The following NTM variants were observed in gnomAD, a reference collection of about 807,000 sequenced individuals.
NTM encodes IgLON family member 2.
Under a neutral mutation model 42.1 loss-of-function variants are expected in NTM, and 13 were observed. The ratio of observed to expected loss-of-function variants is 0.31; its 90% CI spans 0.20 to 0.49. The LOEUF (loss-of-function observed/expected upper bound fraction) is 0.49. Among genes scored for constraint, NTM ranks in the 20% least tolerant of loss-of-function variants. NTM has a pLI of 0.99. For missense variants in NTM, 373 were observed against 452.8 expected, an observed-to-expected ratio of 0.82 and a Z score of 1.60; for synonymous variants, 187 against 179.2, an observed-to-expected ratio of 1.04 and a Z score of -0.35.
intron 1 of NTM, among the ~76,000 whole-genome samples, chr11:131,888,880 G>A (rs2050804763): frequency 6.6e-6 from 1 of 151,894 alleles, no homozygotes; most frequent in South Asian, 2.1e-4. Flanking sequence ...CGGCATCGGC[G>A]ACATAGAATC....
intron 1 of NTM, among the ~76,000 whole-genome samples, chr11:131,464,454 A>T (rs953307017): frequency 4.6e-5 from 7 of 152,022 alleles, no homozygotes; most frequent in African/African-American, 1.7e-4. Context: ...TGGTACATTC[A>T]CAGGTTATAA....
chr11:131,573,067 T>A (rs540558159), intron 1 of NTM, among the ~76,000 whole-genome samples: 5 of 152,236 alleles, frequency 3.3e-5, no homozygotes, highest in African/African-American at 1.2e-4. Flanking sequence ...CACTCCCTCC[T>A]CTTGACAAGG....
intron 1 of NTM, among the ~76,000 whole-genome samples, chr11:131,786,336 C>T (rs2089209162): frequency 6.6e-6 from 1 of 152,172 alleles, no homozygotes. Flanking sequence ...CTAAAAACGT[C>T]ACCTGTGCAT....
Position 132,297,581 on chromosome 11 carries a change from A to G in NTM, c.527-10108A>G, listed in dbSNP as rs1474888529. 2.0e-5 allele frequency among the ~76,000 whole-genome samples: 3 copies of G among 152,254 alleles called. No individual in the cohort carries two copies. The East Asian group carries it at 5.8e-4, about 29-fold the overall frequency. On this transcript the variant is annotated intron_variant, in intron 4 of 8. Transcript: ENST00000683400. ...CCCCAGATCGATATATCTATTCTTCAAAAGGATTATTTATAAGTTATTTCA... is the reference window on the plus strand; with the variant it reads ...CCCCAGATCGATATATCTATTCTTCGAAAGGATTATTTATAAGTTATTTCA...
At chr11:131,416,583 A>G (rs1418866964) in intron 1 of NTM, among the ~76,000 whole-genome samples, 3 of 152,220 alleles carry the variant, frequency 2.0e-5, no homozygotes. Flanking sequence ...GCATGTGTAT[A>G]AGACACAGTT....
intron 3 of NTM, among the ~76,000 whole-genome samples, chr11:132,203,076 G>A (rs1028356051): frequency 6.6e-6 from 1 of 152,162 alleles, no homozygotes; most frequent in Non-Finnish European, 1.5e-5. Flanking sequence ...GAAAATGATG[G>A]CAGCAAGCGC....
At chr11:132,274,262 G>C (rs2093623210) in intron 4 of NTM, among the ~76,000 whole-genome samples, 1 of 151,590 alleles carries the variant, frequency 6.6e-6, no homozygotes, top group African/African-American at 2.4e-5. Flanking sequence ...TTTAGGCTTA[G>C]TTTATGCCTT....
At chr11:131,371,107 A>C in intron 1 of NTM, 1 of 985,370 alleles carries the variant, frequency 1.0e-6, no homozygotes, top group Non-Finnish European at 1.2e-6. Context: ...TATGTGCATA[A>C]GTAAAATGTG....
chr11:132,143,981 G>GGAGCATACTCTT (rs71067361), intron 2 of NTM, among the ~76,000 whole-genome samples: 57,146 of 151,878 alleles, frequency 0.38, 11,271 homozygotes, highest in Non-Finnish European at 0.44. Flanking sequence ...AGAAAGGCTT[G>GGAGCATACTCTT]GATCAGTTCA....
At chr11:131,454,663 G>A (rs1950736488) in intron 1 of NTM, among the ~76,000 whole-genome samples, 1 of 152,142 alleles carries the variant, frequency 6.6e-6, no homozygotes, top group Non-Finnish European at 1.5e-5. Context: ...ATTTAAGGAA[G>A]TTGTCTTCAC....
intron 1 of NTM, among the ~76,000 whole-genome samples, chr11:131,873,827 G>T (rs2048155896): frequency 7.1e-6 from 1 of 141,322 alleles, no homozygotes; most frequent in African/African-American, 2.6e-5. Flanking sequence ...CCCCCAACAG[G>T]CCCCAGTGTG....
chr11:131,799,278 A>G (rs1313527511), intron 1 of NTM, among the ~76,000 whole-genome samples: 1 of 152,134 alleles, frequency 6.6e-6, no homozygotes, highest in Non-Finnish European at 1.5e-5. Context: ...TCGCATACTA[A>G]TGCACAGAGT....
chr11:131,793,127 C>T (rs2091158448), intron 1 of NTM, among the ~76,000 whole-genome samples: 2 of 152,194 alleles, frequency 1.3e-5, no homozygotes, highest in South Asian at 4.1e-4. Flanking sequence ...AAAAATAAAA[C>T]TGCAACACAC....
chr11:131,423,428 G>T lies in NTM; in HGVS notation c.82+52540G>T, dbSNP rs570840972. On this transcript the variant is annotated intron_variant, in intron 1 of 8. Transcript: ENST00000683400. ...AAAGATTCAGCACCCCCAAACATCT[G>T]CATTCTCTAAGTTTTGAAGTTTTCT... is the stretch of plus-strand genomic sequence containing the variant. Among the ~76,000 whole-genome samples, 4 of 152,286 alleles carry T rather than the reference G, an allele frequency of 2.6e-5. No homozygotes were observed. The South Asian group carries it at 8.3e-4, about 32-fold the overall frequency.
rs11222716 is a variant in NTM, at chr11:131,607,046, C to T, written c.82+236158C>T. Among the ~76,000 whole-genome samples the T allele has an allele frequency of 3.2e-3, 482 of 152,324 alleles. 5 individuals are homozygous for T. The East Asian group carries it at 0.037, about 12-fold the overall frequency. ...GGTTTCTGGGTAATCCCCTTTGATG[C>T]CCTGAGTACCGCAGGATCTGTGTTG... On this transcript the variant is annotated intron_variant, in intron 1 of 8. Transcript: ENST00000683400.
At chr11:131,996,382 G>A (rs935570878) in intron 2 of NTM, among the ~76,000 whole-genome samples, 6 of 152,098 alleles carry the variant, frequency 3.9e-5, no homozygotes, top group South Asian at 2.1e-4. Context: ...AGAGATGGAC[G>A]CGCTAGGCAT....
chr11:131,409,699 C>G (rs1388033721), intron 1 of NTM, among the ~76,000 whole-genome samples: 1 of 152,190 alleles, frequency 6.6e-6, no homozygotes, highest in Non-Finnish European at 1.5e-5. Flanking sequence ...TTTTCCCTTT[C>G]TTCTGGAGCA....
chr11:131,702,940 T>C (rs930912262), intron 1 of NTM, among the ~76,000 whole-genome samples: 3 of 152,210 alleles, frequency 2.0e-5, no homozygotes, highest in African/African-American at 2.4e-5. Flanking sequence ...TTATACAATA[T>C]AGGATTTTTT....
intron 3 of NTM, among the ~76,000 whole-genome samples, chr11:132,208,639 C>A (rs1355505502): frequency 2.6e-5 from 4 of 152,122 alleles, no homozygotes; most frequent in African/African-American, 9.7e-5. Context: ...CCATTGTTCT[C>A]TAGTGTATGA....
Sources: allele counts gnomAD v4.1 joint callset (sites outside exome capture counted in the v4.1 genomes callset), GRCh38; gene constraint gnomAD v4.1.1; transcripts MANE v1.5; gene names NCBI Gene and HGNC (gene_info 2026-07-23, HGNC 2026-07-21).